Variants in C3orf52 observed in about 807,000 individuals in gnomAD.
C3orf52 encodes the protein chromosome 3 open reading frame 52.
A neutral mutation model predicts 24.8 loss-of-function variants in C3orf52; 22 were observed. That is an observed-to-expected ratio of 0.89 (90% CI 0.63 to 1.27). The LOEUF (loss-of-function observed/expected upper bound fraction) is 1.27. Among genes scored for constraint, C3orf52 ranks in the 50% most tolerant of loss-of-function variants. The pLI, the probability that C3orf52 is intolerant of heterozygous loss-of-function variation, is 0.00. For missense variants in C3orf52, 265 were observed against 260.7 expected, an observed-to-expected ratio of 1.02 and a Z score of -0.11; for synonymous variants, 93 against 100.2, an observed-to-expected ratio of 0.93 and a Z score of 0.43.
At chr3:112,133,035 C>G, downstream of C3orf52, 1 of 1,555,174 alleles carries the variant, frequency 6.4e-7, no homozygotes, top group South Asian at 1.1e-5. Flanking sequence ...TTTTCTCTTC[C>G]TTGCTGTATT....
At chr3:112,108,226 C>T (rs572348257) in intron 3 of C3orf52, among the ~76,000 whole-genome samples, 1 of 152,150 alleles carries the variant, frequency 6.6e-6, no homozygotes, top group South Asian at 2.1e-4. Context: ...TGAAAAGTCC[C>T]AAAGAGTTAA....
rs191148598 is a variant in C3orf52, at chr3:112,113,049, G to T, written c.553G>T (p.Glu185Ter). 6.2e-7 allele frequency: 1 copy of T among 1,609,798 alleles called. No homozygotes were observed. The highest frequency in any genetic ancestry group is 1.7e-5 in the Admixed American group (1 of 59,546). ...TTTTATGAAGTATATGATGAGTGAGGAGTTGGTGCTGGGCATTTTGCTACA... is the reference window on the plus strand; with the variant it reads ...TTTTATGAAGTATATGATGAGTGAGTAGTTGGTGCTGGGCATTTTGCTACA... ...ENFMKYMMSE[E>*]LVLGILLQDF... Residue 185 changes from glutamate (E) to a stop codon, truncating the protein, a stop_gained, in exon 5 of 6, where the codon GAG becomes TAG. Coordinates refer to ENST00000264848, the MANE Select transcript of C3orf52 (RefSeq NM_024616.3). LOFTEE classifies it high-confidence loss of function.
chr3:112,134,067 G>C (rs2107820936), downstream of C3orf52: 1 of 152,460 alleles, frequency 6.6e-6, no homozygotes, highest in African/African-American at 2.4e-5. Context: ...CTGAGTGTCA[G>C]AGATGTGGCT....
At chr3:112,091,876 C>T (rs959784103) in intron 1 of C3orf52, among the ~76,000 whole-genome samples, 8 of 152,064 alleles carry the variant, frequency 5.3e-5, no homozygotes, top group African/African-American at 1.9e-4. Flanking sequence ...TGGTGGCGGG[C>T]GCCTGTAGTC....
intron 5 of C3orf52, among the ~76,000 whole-genome samples, chr3:112,114,687 A>G (rs2074118997): frequency 6.6e-6 from 1 of 152,024 alleles, no homozygotes; most frequent in South Asian, 2.1e-4. Flanking sequence ...CTGGGTGACA[A>G]GAGTGAAACT....
intron 4 of C3orf52, chr3:112,123,325 T>C (rs1327418723): frequency 6.7e-7 from 1 of 1,482,208 alleles, no homozygotes; most frequent in Non-Finnish European, 8.9e-7. Flanking sequence ...ATACAAACCA[T>C]GCTCTGCAGG....
At chr3:112,109,392 G>T in intron 3 of C3orf52, 151 bp from the exon 4 acceptor site, 1 of 472,012 alleles carries the variant, frequency 2.1e-6, no homozygotes, top group South Asian at 4.6e-5. Flanking sequence ...ATTTATGGTG[G>T]GCTCAATTCT....
intron 2 of C3orf52, among the ~76,000 whole-genome samples, chr3:112,095,890 A>G (rs976551585): frequency 3.9e-5 from 6 of 152,068 alleles, no homozygotes; most frequent in African/African-American, 1.4e-4. Context: ...TTTGGGGATG[A>G]TCTTCAATAA....
At position 112,113,122 on chromosome 3, in the gene C3orf52, A is replaced by T. The variant is rs779153317; in HGVS notation, c.626A>T (p.Asp209Val). The T allele has an allele frequency of 8.1e-6, 13 of 1,609,102 alleles. No individual in the cohort carries two copies. The East Asian group carries it at 2.9e-4, about 36-fold the overall frequency. Residue 209 changes from aspartate (D) to valine (V), a missense_variant, in exon 5 of 6, where the codon GAT becomes GTT. Physicochemically the swap from Asp to Val is radical, Grantham distance 152. Coordinates refer to ENST00000264848, the MANE Select transcript of C3orf52 (RefSeq NM_024616.3). The part of the protein sequence containing the change: ...NIPGCESLGL[D>V]PTSLLLYE ...CCTGGTTGTGAGAGTCTGGGGCTTGATCCAACATCCCTCTTGCTCTATGGT... is the reference window on the plus strand; with the variant it reads ...CCTGGTTGTGAGAGTCTGGGGCTTGTTCCAACATCCCTCTTGCTCTATGGT...
downstream of C3orf52, chr3:112,120,853 AAAATTTATTTACTGG>A (rs1414219996): frequency 6.6e-6 from 1 of 152,220 alleles, no homozygotes; most frequent in Non-Finnish European, 1.5e-5. Flanking sequence ...TTGGGACATT[AAAATTTATTTACTGG>A]AAATTTGAGA....
At chr3:112,112,935 A>T in intron 4 of C3orf52, 29 bp from the exon 5 acceptor site, 1 of 1,572,624 alleles carries the variant, frequency 6.4e-7, no homozygotes, top group Non-Finnish European at 8.7e-7. Context: ...GATGCTGTTT[A>T]TGTTTTAATG....
chr3:112,095,838 G>T (rs1325576045), intron 2 of C3orf52, among the ~76,000 whole-genome samples: 1 of 152,150 alleles, frequency 6.6e-6, no homozygotes, highest in Non-Finnish European at 1.5e-5. Flanking sequence ...GCTCCCTTCT[G>T]TGACAGTCCC....
intron 4 of C3orf52, chr3:112,126,861 A>G (rs968386528): frequency 8.2e-6 from 6 of 735,876 alleles, no homozygotes; most frequent in Non-Finnish European, 1.4e-5. Flanking sequence ...AATTGGATAC[A>G]GTAAAGCAAA....
At chr3:112,115,442 A>T (rs2074126096) in intron 5 of C3orf52, among the ~76,000 whole-genome samples, 1 of 152,110 alleles carries the variant, frequency 6.6e-6, no homozygotes, top group African/African-American at 2.4e-5. Context: ...TTGGGGGATT[A>T]CCATCCCCGC....
chr3:112,089,626 C>G (rs1357135286), intron 1 of C3orf52, among the ~76,000 whole-genome samples: 1 of 151,908 alleles, frequency 6.6e-6, no homozygotes, highest in East Asian at 1.9e-4. Flanking sequence ...AATCAACTGG[C>G]TCTTTTGTGC....
chr3:112,127,973 A>C, intron 4 of C3orf52: 2 of 1,571,082 alleles, frequency 1.3e-6, no homozygotes, highest in Non-Finnish European at 1.8e-6. Context: ...CCACATTGAA[A>C]CCACACTTAG....
chr3:112,116,869 C>T lies in C3orf52; in HGVS notation c.*223C>T. 5 of 1,537,370 alleles carry T rather than the reference C, an allele frequency of 3.3e-6. No homozygotes were observed. The highest frequency in any genetic ancestry group is 4.4e-6 in the Non-Finnish European group (5 of 1,146,892). On this transcript the variant is annotated 3_prime_UTR_variant, in exon 6 of 6. Transcript: ENST00000264848. The stretch of plus-strand genomic sequence containing the variant: ...CAGCTGGGTCCAGTCTTGACAAAGG[C>T]AGGAAGCCAGCTAGGGTGGGGGCGA...
chr3:112,126,336 AAC>A (rs2074316660), intron 4 of C3orf52, among the ~76,000 whole-genome samples: 1 of 152,212 alleles, frequency 6.6e-6, no homozygotes, highest in African/African-American at 2.4e-5. Flanking sequence ...CTTCTTCAGA[AAC>A]ACAATGGCTT....
chr3:112,130,504 C>G (rs1228794169), downstream of C3orf52: 2 of 1,613,866 alleles, frequency 1.2e-6, no homozygotes, highest in Non-Finnish European at 1.7e-6. Flanking sequence ...CTTGAGTGTT[C>G]TGCTGCCGCC....
Sources: gnomAD v4.1 joint callset for allele counts (sites outside exome capture counted in the v4.1 genomes callset) on GRCh38, gnomAD v4.1.1 for gene constraint, MANE v1.5 for transcripts, NCBI Gene and HGNC (gene_info 2026-07-23, HGNC 2026-07-21) for gene names.